NECTIN2: variants seen among roughly 807,000 people sequenced by gnomAD.
NECTIN2 encodes nectin-2.
In NECTIN2, 23 loss-of-function variants were observed where a neutral mutation model predicts 56.9. The observed-to-expected ratio is 0.40, with a 90% CI of 0.29 to 0.57. NECTIN2 has a LOEUF of 0.57. Ranked by LOEUF, NECTIN2 falls within the 20% of genes least tolerant of loss-of-function variation. The pLI, the probability that NECTIN2 is intolerant of heterozygous loss-of-function variation, is 0.38. For missense variants in NECTIN2, 587 were observed against 718.3 expected, an observed-to-expected ratio of 0.82 and a Z score of 2.09; for synonymous variants, 302 against 313.8, an observed-to-expected ratio of 0.96 and a Z score of 0.40.
rs1969210285 is a variant in NECTIN2, at chr19:44,874,226, T to C, written c.894-104T>C. The C allele has an allele frequency of 2.8e-6, 4 of 1,437,024 alleles. No individual in the cohort carries two copies. Among genetic ancestry groups the C allele is most frequent in the Non-Finnish European group, 1.9e-6 (2 of 1,033,522 alleles). 89.0% of individuals were successfully genotyped at this position (1,437,024 alleles called of 1,614,324 possible). Reference sequence around the variant, plus strand: ...GCAATTTGGGGTCTCCGGGAGTACTTAGGTCCCTGGAGCTTGGCTCCTGGT... The same window carrying C: ...GCAATTTGGGGTCTCCGGGAGTACTCAGGTCCCTGGAGCTTGGCTCCTGGT... On this transcript the variant is annotated intron_variant, in intron 4 of 8. Coordinates refer to ENST00000252483, the MANE Select transcript of NECTIN2 (RefSeq NM_001042724.2). This position sits in a 1 kb window ranked among gnomAD's most constrained non-coding sequence, Gnocchi z 6.3.
intron 5 of NECTIN2, among the ~76,000 whole-genome samples, chr19:44,879,308 G>A (rs1969280842): frequency 6.6e-6 from 1 of 152,028 alleles, no homozygotes. Context: ...AGGTGGGGGT[G>A]GGGACAGCAG....
chr19:44,873,464 CTG>C (rs1037529828), intron 3 of NECTIN2, among the ~76,000 whole-genome samples: 20 of 152,144 alleles, frequency 1.3e-4, no homozygotes, highest in African/African-American at 4.8e-4. Context: ...GAAACCCTGT[CTG>C]TACTAAAAAT....
chr19:44,878,998 G>A, intron 5 of NECTIN2: 1 of 880,598 alleles, frequency 1.1e-6, no homozygotes, highest in Non-Finnish European at 1.4e-6. Flanking sequence ...AGAGAGGGTG[G>A]GACAGGGACT....
intron 8 of NECTIN2, among the ~76,000 whole-genome samples, chr19:44,887,075 C>T (rs978657782): frequency 2.0e-5 from 3 of 151,812 alleles, no homozygotes; most frequent in Non-Finnish European, 4.4e-5. Flanking sequence ...TCTGGTCAGG[C>T]ATGGTGGCTC....
At chr19:44,884,500 A>G (rs1969339221) in intron 6 of NECTIN2, among the ~76,000 whole-genome samples, 1 of 152,226 alleles carries the variant, frequency 6.6e-6, no homozygotes, top group Non-Finnish European at 1.5e-5. Flanking sequence ...TCTGATGCAC[A>G]GGAAGGTCTG....
At position 44,854,851 on chromosome 19, in the gene NECTIN2, C is replaced by T. The variant is rs201529724; in HGVS notation, c.88+8238C>T. ...TTAAAAAGAACTCTGAGTTGCCGGG[C>T]GCGGTGGCTCACGCCTGTAATCCCA... On this transcript the variant is annotated intron_variant, in intron 1 of 8. Coordinates refer to ENST00000252483, the MANE Select transcript of NECTIN2 (RefSeq NM_001042724.2). Among the ~76,000 whole-genome samples the T allele has an allele frequency of 1.2e-4, 18 of 151,120 alleles. No homozygotes were observed. In the East Asian group the frequency reaches 2.8e-3, roughly 23 times the overall value.
At chr19:44,887,444 G>A (rs995342805) in intron 8 of NECTIN2, among the ~76,000 whole-genome samples, 1 of 152,054 alleles carries the variant, frequency 6.6e-6, no homozygotes, top group Admixed American at 6.6e-5. Context: ...GGAGTTCCAA[G>A]ACCAGCCTGG....
At chr19:44,849,463 C>A (rs558966464) in intron 1 of NECTIN2, among the ~76,000 whole-genome samples, 11 of 151,864 alleles carry the variant, frequency 7.2e-5, no homozygotes, top group African/African-American at 2.7e-4. Flanking sequence ...GTGATGAACA[C>A]AGAAGGGACA....
intron 5 of NECTIN2, among the ~76,000 whole-genome samples, chr19:44,881,737 G>C (rs893878145): frequency 6.6e-6 from 1 of 152,092 alleles, no homozygotes; most frequent in African/African-American, 2.4e-5. Flanking sequence ...GGCTGTTTGC[G>C]CTGCCTGCGA....
At position 44,846,520 on chromosome 19, in the gene NECTIN2, C is replaced by T. The variant is rs1054253121; in HGVS notation, c.-6C>T. ...CGGCCGGGCCCAGTCCCCTCCCGGGCCCTCCATGGCCCGGGCCGCTGCCCT... is the reference window on the plus strand; with the variant it reads ...CGGCCGGGCCCAGTCCCCTCCCGGGTCCTCCATGGCCCGGGCCGCTGCCCT... On this transcript the variant is annotated 5_prime_UTR_variant, in exon 1 of 9. Transcript: ENST00000252483. The T allele has an allele frequency of 6.0e-6, 9 of 1,507,418 alleles. No individual in the cohort carries two copies. The African/African-American group carries it at 1.2e-4, about 19-fold the overall frequency. The allele number at this position is 1,507,418 out of a possible 1,614,324, so 93.4% of individuals were successfully genotyped here.
At chr19:44,862,217 A>G (rs1323771634) in intron 1 of NECTIN2, among the ~76,000 whole-genome samples, 1 of 152,164 alleles carries the variant, frequency 6.6e-6, no homozygotes, top group Non-Finnish European at 1.5e-5. Flanking sequence ...GATCGAGACC[A>G]TTCTGGGTAA....
At chr19:44,873,285 G>A (rs73556118) in intron 3 of NECTIN2, among the ~76,000 whole-genome samples, 1,904 of 152,150 alleles carry the variant, frequency 0.013, 41 homozygotes, top group African/African-American at 0.044. Context: ...CTTTCCTCCC[G>A]GGACCTACAC....
At chr19:44,872,797 TTTA>T (rs1208840339) in intron 3 of NECTIN2, among the ~76,000 whole-genome samples, 2 of 147,310 alleles carry the variant, frequency 1.4e-5, no homozygotes, top group African/African-American at 5.0e-5. Flanking sequence ...GTATTTATTA[TTTA>T]TTATTTATTA....
At chr19:44,852,487 G>A (rs1794827662) in intron 1 of NECTIN2, among the ~76,000 whole-genome samples, 2 of 149,698 alleles carry the variant, frequency 1.3e-5, no homozygotes, top group South Asian at 4.2e-4. Context: ...CTACTCAGGA[G>A]GCTGAGGCAG....
Position 44,886,122 on chromosome 19 carries a change from T to C in NECTIN2, c.1261-11T>C, listed in dbSNP as rs759402174. Reference sequence around the variant, plus strand: ...GCAGTTCCTGACCTCCCCGCCCCTCTCCCACTACAGCCCTCCCAGCTCTTC... The same window carrying C: ...GCAGTTCCTGACCTCCCCGCCCCTCCCCCACTACAGCCCTCCCAGCTCTTC... On this transcript the variant is annotated splice_polypyrimidine_tract_variant and intron_variant, in intron 7 of 8. Transcript: ENST00000252483. 1.2e-6 allele frequency: 2 copies of C among 1,607,794 alleles called. No individual in the cohort carries two copies. Among genetic ancestry groups the C allele is most frequent in the Admixed American group, 3.3e-5 (2 of 59,942 alleles).
At chr19:44,872,704 T>C (rs1969189990) in intron 3 of NECTIN2, among the ~76,000 whole-genome samples, 1 of 151,964 alleles carries the variant, frequency 6.6e-6, no homozygotes, top group Admixed American at 6.6e-5. Context: ...CCCATACTTC[T>C]GCCTTGACTT....
chr19:44,849,786 G>A (rs567902090), intron 1 of NECTIN2, among the ~76,000 whole-genome samples: 4 of 152,252 alleles, frequency 2.6e-5, no homozygotes, highest in Admixed American at 6.5e-5. Flanking sequence ...GAAAGAGACC[G>A]GAGATGTCAG....
rs751066324 is a variant in NECTIN2 at position 44,882,325 on chromosome 19, G to A, written c.1157G>A (p.Arg386Gln). ...ATGILICRQQ[R>Q]KEQTLQGAEE... is the part of the protein sequence containing the mutation. ...GGCATCCTTATCTGCCGGCAGCAGC[G>A]GAAGGAGCAGACGCTGCAGGGGGCA... Residue 386 changes from arginine (R) to glutamine (Q), a missense_variant, in exon 6 of 9, where the codon CGG (arginine) becomes CAG (glutamine). Arg to Gln is a conservative substitution (Grantham distance 43). Transcript: ENST00000252483. 1.8e-5 allele frequency: 28 copies of A among 1,539,384 alleles called. No individual in the cohort carries two copies. The highest frequency in any genetic ancestry group is 2.5e-5 in the East Asian group (1 of 40,050).
At chr19:44,880,092 C>T (rs1168996078) in intron 5 of NECTIN2, among the ~76,000 whole-genome samples, 1 of 152,254 alleles carries the variant, frequency 6.6e-6, no homozygotes, top group African/African-American at 2.4e-5. Flanking sequence ...GCTTCCTCCT[C>T]ATCTGGAGAG....
Sources: allele counts gnomAD v4.1 joint callset (sites outside exome capture counted in the v4.1 genomes callset), GRCh38; gene constraint gnomAD v4.1.1; non-coding constraint Gnocchi (gnomAD v3.1); transcripts MANE v1.5; gene names NCBI Gene and HGNC (gene_info 2026-07-23, HGNC 2026-07-21).